RAD52: variants seen among roughly 807,000 people sequenced by gnomAD.
RAD52 encodes the protein RAD52 DNA repair protein.
In RAD52, 47 loss-of-function variants were observed where a neutral mutation model predicts 55.5. The observed-to-expected ratio is 0.85, with a 90% CI of 0.67 to 1.08. The LOEUF is 1.08. Ranked by LOEUF, RAD52 falls within the 50% of genes least tolerant of loss-of-function variation. RAD52 has a pLI of 0.00. For synonymous variants in RAD52, 184 were observed against 198.9 expected (o/e 0.92, Z 0.63); for missense variants, 468 against 522.8 (o/e 0.90, Z 1.02).
chr12:956,397 T>C (rs950915026), intron 1 of RAD52, among the ~76,000 whole-genome samples: 3 of 152,206 alleles, frequency 2.0e-5, no homozygotes, highest in Non-Finnish European at 4.4e-5. Flanking sequence ...TTATTTTGCA[T>C]TGGGCCCCAC....
chr12:950,802 C>T (rs1958509920), upstream of RAD52, among the ~76,000 whole-genome samples: 1 of 152,086 alleles, frequency 6.6e-6, no homozygotes, highest in South Asian at 2.1e-4. Flanking sequence ...ACTATAGTCA[C>T]TATGCTGTGC....
Position 914,528 on chromosome 12 carries a change from C to T in RAD52, c.870G>A (p.Ala290=), listed in dbSNP as rs372830224. ...STPSAEKSEA[A]PPAPPVTHST... The stretch of plus-strand genomic sequence containing the variant: ...TGTGCGTCACAGGAGGGGCCGGAGG[C>T]GCTGCTACGGTTCACAGAGGAGAGA... The change falls in exon 10 of 12, where the codon GCG becomes GCA. Residue 290 remains alanine, a synonymous_variant. Transcript: ENST00000358495. The T allele has an allele frequency of 1.5e-5, 24 of 1,613,184 alleles. No individual in the cohort carries two copies. The highest frequency in any genetic ancestry group is 6.7e-5 in the East Asian group (3 of 44,894).
chr12:930,253 G>C, intron 3 of RAD52, 109 bp from the exon 4 acceptor site: 1 of 897,730 alleles, frequency 1.1e-6, no homozygotes, highest in Admixed American at 2.5e-5. Context: ...TCGATAAACT[G>C]TCCTTAAACA....
chr12:967,268 A>G lies in RAD52; in HGVS notation c.-19+22541T>C, dbSNP rs143931821. Among the ~76,000 whole-genome samples, 552 of 151,536 alleles carry G rather than the reference A, an allele frequency of 3.6e-3. 8 individuals are homozygous for G. Among genetic ancestry groups the G allele is most frequent in the African/African-American group, 0.013 (516 of 41,198 alleles). On this transcript the variant is annotated intron_variant, in intron 1 of 11. Transcript: ENST00000430095. ...GTGGCGCCTGCCTGTAGTCACAGCT[A>G]TTTGGGAGGCTGAGGTGGGAGGATC...
At chr12:932,107 C>A (rs985853001) in intron 2 of RAD52, among the ~76,000 whole-genome samples, 1 of 152,186 alleles carries the variant, frequency 6.6e-6, no homozygotes, top group Non-Finnish European at 1.5e-5. Flanking sequence ...GCCTGTAATT[C>A]CAGCATTTAG....
intron 1 of RAD52, chr12:977,005 C>T (rs187864895): frequency 2.0e-5 from 3 of 152,572 alleles, no homozygotes; most frequent in African/African-American, 4.8e-5. Context: ...CATTGTTAGC[C>T]GTGGCGAGTC....
intron 8 of RAD52, 26 bp from the exon 9 acceptor site, chr12:916,509 C>A (rs766655633): frequency 1.2e-6 from 2 of 1,606,178 alleles, no homozygotes; most frequent in Non-Finnish European, 1.7e-6. Flanking sequence ...GCGGCGAGGA[C>A]GGGCTCCTGA....
At chr12:956,405 C>T (rs1400326876) in intron 1 of RAD52, among the ~76,000 whole-genome samples, 1 of 152,182 alleles carries the variant, frequency 6.6e-6, no homozygotes, top group African/African-American at 2.4e-5. Context: ...CATTGGGCCC[C>T]ACAAATTGTA....
chr12:930,796 G>A (rs1013362701), intron 3 of RAD52, among the ~76,000 whole-genome samples: 5 of 151,850 alleles, frequency 3.3e-5, no homozygotes, highest in African/African-American at 1.2e-4. Context: ...GCGAGATGTC[G>A]TCTCTACAGA....
rs56061523 is a variant in RAD52, at chr12:927,165, G to A, written c.447C>T (p.Asp149=). 1.2e-4 allele frequency: 191 copies of A among 1,614,080 alleles called. No individual in the cohort carries two copies. In the African/African-American group the frequency reaches 1.7e-3, roughly 14 times the overall value. Reference sequence around the variant, plus strand: ...CTCACCTGAGGGCTCGCTTCAGCCCGTCTGTCACCGCCTCCTTCCTTGCCT... The same window carrying A: ...CTCACCTGAGGGCTCGCTTCAGCCCATCTGTCACCGCCTCCTTCCTTGCCT... The part of the protein sequence containing the change: ...LEKARKEAVT[D]GLKRALRSFG... Residue 149 remains aspartate (D), a synonymous_variant, in exon 6 of 12, where the codon GAC becomes GAT. Transcript: ENST00000358495.
At chr12:983,584 T>G (rs1959048572) in intron 1 of RAD52, among the ~76,000 whole-genome samples, 1 of 152,054 alleles carries the variant, frequency 6.6e-6, no homozygotes, top group African/African-American at 2.4e-5. Flanking sequence ...CATGCCCAGC[T>G]AATTTTTGTA....
chr12:927,041 A>G, intron 6 of RAD52, 104 bp downstream of exon 6: 1 of 1,523,018 alleles, frequency 6.6e-7, no homozygotes, highest in Admixed American at 1.7e-5. Flanking sequence ...CGCTGCTTGG[A>G]TTTTTGAACC....
At chr12:916,537 T>C (rs1281188465) in intron 8 of RAD52, 54 bp from the exon 9 acceptor site, 1 of 1,605,394 alleles carries the variant, frequency 6.2e-7, no homozygotes, top group African/African-American at 1.3e-5. Context: ...CCGCGGCTGC[T>C]GGGAGGACAC....
chr12:913,308 C>T lies in RAD52; in HGVS notation c.*83G>A. 1.0e-6 allele frequency: 1 copy of T among 995,856 alleles called. No individual in the cohort carries two copies. Among genetic ancestry groups the T allele is most frequent in the South Asian group, 1.4e-5 (1 of 69,382 alleles). The allele number at this position is 995,856 out of a possible 1,614,324, so 61.7% of individuals were successfully genotyped here. ...AATCGCAATGACGTTCATTCTCCAG[C>T]AGCGATGAACAATTTCATGACCAAA... On this transcript the variant is annotated 3_prime_UTR_variant, in exon 12 of 12. Coordinates refer to ENST00000358495, the MANE Select transcript of RAD52 (RefSeq NM_134424.4).
At chr12:922,212 A>AC (rs1956778011) in intron 7 of RAD52, among the ~76,000 whole-genome samples, 1 of 151,370 alleles carries the variant, frequency 6.6e-6, no homozygotes, top group South Asian at 2.1e-4. Context: ...AAAAAAAAAA[A>AC]ACCAAAAACT....
At chr12:982,840 C>G (rs895737008) in intron 1 of RAD52, among the ~76,000 whole-genome samples, 2 of 150,318 alleles carry the variant, frequency 1.3e-5, no homozygotes, top group Non-Finnish European at 3.0e-5. Context: ...GTGCGCACCA[C>G]GATGCCTGCT....
At chr12:949,484 G>A (rs1216196371) in intron 1 of RAD52, 118 bp downstream of exon 1, 1 of 152,370 alleles carries the variant, frequency 6.6e-6, no homozygotes, top group Non-Finnish European at 1.5e-5. Flanking sequence ...TCTACGCTGA[G>A]ACCTCAGGAT....
At chr12:925,172 G>A (rs778996301) in intron 7 of RAD52, among the ~76,000 whole-genome samples, 6 of 151,986 alleles carry the variant, frequency 3.9e-5, no homozygotes, top group East Asian at 3.9e-4. Flanking sequence ...GGATGGTCTC[G>A]ATCTCCTGAC....
chr12:980,632 T>C (rs142787276), intron 1 of RAD52, among the ~76,000 whole-genome samples: 1,585 of 150,270 alleles, frequency 0.011, 31 homozygotes, highest in African/African-American at 0.036. Context: ...GACAGAGTCT[T>C]GCTCTGTTGC....
Sources: gnomAD v4.1 joint callset for allele counts (sites outside exome capture counted in the v4.1 genomes callset) on GRCh38, gnomAD v4.1.1 for gene constraint, MANE v1.5 for transcripts, NCBI Gene and HGNC (gene_info 2026-07-23, HGNC 2026-07-21) for gene names.